Variants in CALN1 observed in about 807,000 individuals in gnomAD.
CALN1 encodes calcium-binding protein 8.
A neutral mutation model predicts 30.6 loss-of-function variants in CALN1; 17 were observed. That is an observed-to-expected ratio of 0.56 (90% CI 0.38 to 0.83). The LOEUF (loss-of-function observed/expected upper bound fraction) is 0.83. Ranked by LOEUF, CALN1 falls within the 40% of genes least tolerant of loss-of-function variation. The probability of loss-of-function intolerance (pLI) is 0.00; values close to 1 mark genes in which losing one functional copy is unlikely to be tolerated. For synonymous variants in CALN1, 156 were observed against 131.4 expected, an observed-to-expected ratio of 1.19 and a Z score of -1.28; for missense variants, 291 against 354.9, an observed-to-expected ratio of 0.82 and a Z score of 1.45.
At chr7:72,076,941 T>G (rs1804788561) in intron 4 of CALN1, among the ~76,000 whole-genome samples, 1 of 152,214 alleles carries the variant, frequency 6.6e-6, no homozygotes, top group African/African-American at 2.4e-5. Flanking sequence ...TTATTTTTTT[T>G]GAGACAGAGT....
In CALN1 at chr7:71,830,266, C is replaced by T. The variant is rs565255107; in HGVS notation, c.502-19774G>A. On this transcript the variant is annotated intron_variant, in intron 5 of 6. Transcript: ENST00000395275. ...TCATGTTGGTCAGGCTGGTCTCCAA[C>T]TCCTGACCTCAGGTGATCCACCCGC... 2.0e-5 allele frequency among the ~76,000 whole-genome samples: 3 copies of T among 152,266 alleles called. 1 individual carries two copies. In the South Asian group the frequency reaches 6.2e-4, roughly 32 times the overall value.
intron 3 of CALN1, among the ~76,000 whole-genome samples, chr7:72,225,448 A>G (rs1315077323): frequency 6.6e-6 from 1 of 152,100 alleles, no homozygotes; most frequent in Non-Finnish European, 1.5e-5. Flanking sequence ...AGAAGTGAGC[A>G]GGGCTTTCCG....
intron 2 of CALN1, among the ~76,000 whole-genome samples, chr7:72,294,130 T>G (rs1355693153): frequency 6.6e-6 from 1 of 151,960 alleles, no homozygotes; most frequent in African/African-American, 2.4e-5. Flanking sequence ...TTCAGAATAA[T>G]AATGGCTTCT....
At chr7:71,963,779 C>T (rs1262816853) in intron 5 of CALN1, among the ~76,000 whole-genome samples, 4 of 152,120 alleles carry the variant, frequency 2.6e-5, no homozygotes, top group Non-Finnish European at 5.9e-5. Flanking sequence ...AAATGCTACA[C>T]GTACATTAAC....
chr7:72,339,204 C>A (rs1802271728), intron 2 of CALN1, among the ~76,000 whole-genome samples: 1 of 152,066 alleles, frequency 6.6e-6, no homozygotes, highest in Non-Finnish European at 1.5e-5. Flanking sequence ...CCCACATTTT[C>A]TTTATTCATT....
rs1310973959 is a variant in CALN1 at position 71,786,427 on chromosome 7, G to A, written c.*1348C>T. ...ATTCATAGTAGTGGCTGACATCTAG[G>A]AAAAGTCAGGAAATTACAGACTTGG... is the stretch of plus-strand genomic sequence containing the variant. On this transcript the variant is annotated 3_prime_UTR_variant, in exon 7 of 7. Coordinates refer to ENST00000395275, the MANE Select transcript of CALN1 (RefSeq NM_031468.4). 1.3e-5 allele frequency: 2 copies of A among 152,172 alleles called. No individual in the cohort carries two copies. The highest frequency in any genetic ancestry group is 2.9e-5 in the Non-Finnish European group (2 of 68,038). The allele number at this position is 152,172 out of a possible 1,614,324, so 9.4% of individuals were successfully genotyped here. A position where few individuals can be genotyped will look rare whatever the true frequency, so the allele number is the denominator to read the frequency against.
intron 2 of CALN1, among the ~76,000 whole-genome samples, chr7:72,362,318 T>C (rs969662509): frequency 2.6e-5 from 4 of 152,272 alleles, no homozygotes; most frequent in Non-Finnish European, 5.9e-5. Context: ...TATAGAAGAT[T>C]TCCACCATGT....
intron 5 of CALN1, among the ~76,000 whole-genome samples, chr7:71,846,733 T>C (rs923293653): frequency 6.7e-6 from 1 of 149,500 alleles, no homozygotes; most frequent in Non-Finnish European, 1.5e-5. Flanking sequence ...CTAGGGATAG[T>C]AGTAAACAAA....
intron 6 of CALN1, among the ~76,000 whole-genome samples, chr7:71,797,712 G>A (rs1787012616): frequency 6.6e-6 from 1 of 152,132 alleles, no homozygotes; most frequent in Non-Finnish European, 1.5e-5. Flanking sequence ...TGGTGCAGTA[G>A]CCAGGCATTG....
chr7:71,990,655 G>A (rs1798899812), intron 5 of CALN1, among the ~76,000 whole-genome samples: 1 of 152,048 alleles, frequency 6.6e-6, no homozygotes, highest in Admixed American at 6.6e-5. Context: ...GTTTCACCAT[G>A]TTGGCCAGGC....
chr7:72,317,086 G>GAGAGAAAGAA (rs1554367068), intron 2 of CALN1, among the ~76,000 whole-genome samples: 1 of 143,142 alleles, frequency 7.0e-6, no homozygotes, highest in African/African-American at 2.6e-5. Flanking sequence ...CAGAAAGAGA[G>GAGAGAAAGAA]AGAGAGAGGG....
chr7:72,265,952 A>C (rs1237922457), intron 3 of CALN1, among the ~76,000 whole-genome samples: 1 of 151,996 alleles, frequency 6.6e-6, no homozygotes, highest in African/African-American at 2.4e-5. Flanking sequence ...TGGGAAACAC[A>C]GTGAGGCCCT....
intron 4 of CALN1, among the ~76,000 whole-genome samples, chr7:72,037,324 G>T (rs901092312): frequency 6.6e-6 from 1 of 151,908 alleles, no homozygotes; most frequent in Non-Finnish European, 1.5e-5. Context: ...TAATTTTTTT[G>T]TATTTTTAGT....
the CALN1 span, among the ~76,000 whole-genome samples, chr7:72,478,792 T>C: frequency 1.0e-3 from 155 of 151,958 alleles, 10 homozygotes; most frequent in Non-Finnish European, 2.9e-4. Flanking sequence ...TAATAAATTA[T>C]AGGGCGTATA....
chr7:71,988,979 T>C (rs1374974202), intron 5 of CALN1, among the ~76,000 whole-genome samples: 1 of 152,128 alleles, frequency 6.6e-6, no homozygotes, highest in African/African-American at 2.4e-5. Flanking sequence ...GGGAGTAAGT[T>C]TATTTGCCTC....
intron 4 of CALN1, among the ~76,000 whole-genome samples, chr7:72,044,388 G>C (rs1416648962): frequency 1.3e-5 from 2 of 152,042 alleles, no homozygotes; most frequent in Non-Finnish European, 2.9e-5. Flanking sequence ...TGCATGGGGA[G>C]ATGGGGGATG....
chr7:71,973,925 T>C (rs1562948530), intron 5 of CALN1, among the ~76,000 whole-genome samples: 1 of 152,188 alleles, frequency 6.6e-6, no homozygotes, highest in Non-Finnish European at 1.5e-5. Context: ...AAAGTAGCAG[T>C]TAGTTTCAAT....
chr7:72,405,174 G>C (rs1482167349), intron 1 of CALN1, among the ~76,000 whole-genome samples: 2 of 152,162 alleles, frequency 1.3e-5, no homozygotes, highest in African/African-American at 4.8e-5. Context: ...CAAGGGTTGG[G>C]ATCTCAAAGA....
In CALN1 at chr7:72,406,279, A is replaced by G. The variant is rs541864137; in HGVS notation, c.-73-2837T>C. On this transcript the variant is annotated intron_variant, in intron 1 of 6. Transcript: ENST00000395275. ...AACTAATGAAGCACCCCATGTTGGC[A>G]TCTGCACATAAGACAGACCTCCATC... 7.9e-5 allele frequency among the ~76,000 whole-genome samples: 12 copies of G among 152,280 alleles called. No homozygotes were observed. In the East Asian group the frequency reaches 2.1e-3, roughly 27 times the overall value.
Sources: gnomAD v4.1 joint callset for allele counts (sites outside exome capture counted in the v4.1 genomes callset) on GRCh38, gnomAD v4.1.1 for gene constraint, MANE v1.5 for transcripts, NCBI Gene and HGNC (gene_info 2026-07-23, HGNC 2026-07-21) for gene names.